The following ATP8A1 variants were observed in gnomAD, a reference collection of about 807,000 sequenced individuals.
The protein encoded by ATP8A1 is phospholipid-transporting ATPase IA.
In ATP8A1, 90 loss-of-function variants were observed where a neutral mutation model predicts 177.7. The observed-to-expected ratio is 0.51, with a 90% CI of 0.43 to 0.60. The LOEUF is 0.60. Ranked by LOEUF, ATP8A1 falls within the 20% of genes least tolerant of loss-of-function variation. The pLI is 0.00. For missense variants in ATP8A1, 1,072 were observed against 1,392.8 expected, an observed-to-expected ratio of 0.77 and a Z score of 3.67; for synonymous variants, 493 against 485.9, an observed-to-expected ratio of 1.01 and a Z score of -0.19.
intron 1 of ATP8A1, among the ~76,000 whole-genome samples, chr4:42,654,346 C>T (rs1334531181): frequency 6.6e-6 from 1 of 152,130 alleles, no homozygotes; most frequent in East Asian, 1.9e-4. Flanking sequence ...AAACAACTTA[C>T]AGGCATGACA....
intron 16 of ATP8A1, among the ~76,000 whole-genome samples, chr4:42,555,134 TATCTAATCTATC>T (rs1322296950): frequency 0.033 from 2,790 of 83,632 alleles, 77 homozygotes; most frequent in Non-Finnish European, 0.038. Flanking sequence ...TCTATCTATC[TATCTAATCTATC>T]TATCTATCTA....
At chr4:42,462,896 G>T (rs1295505606) in intron 27 of ATP8A1, among the ~76,000 whole-genome samples, 1 of 152,190 alleles carries the variant, frequency 6.6e-6, no homozygotes, top group African/African-American at 2.4e-5. Context: ...AGATCATTTT[G>T]GAGCTTTAAG....
At chr4:42,477,555 G>A (rs951286646) in intron 25 of ATP8A1, among the ~76,000 whole-genome samples, 2 of 152,156 alleles carry the variant, frequency 1.3e-5, no homozygotes, top group African/African-American at 2.4e-5. Flanking sequence ...GGCATACAGA[G>A]GATATAGATT....
At chr4:42,533,480 C>T (rs1402401885) in intron 20 of ATP8A1, among the ~76,000 whole-genome samples, 2 of 152,120 alleles carry the variant, frequency 1.3e-5, no homozygotes, top group South Asian at 2.1e-4. Flanking sequence ...CCCCCATCCC[C>T]ACAGCAGCCT....
At chr4:42,585,697 T>C (rs991494143) in intron 9 of ATP8A1, among the ~76,000 whole-genome samples, 1 of 151,938 alleles carries the variant, frequency 6.6e-6, no homozygotes, top group Non-Finnish European at 1.5e-5. Context: ...GCCAGGAATA[T>C]TTATCTGCTT....
chr4:42,509,526 C>G (rs1403745237), intron 22 of ATP8A1, among the ~76,000 whole-genome samples: 1 of 152,212 alleles, frequency 6.6e-6, no homozygotes, highest in Admixed American at 6.5e-5. Context: ...ACTGCCTTGC[C>G]TGGTGAAACT....
chr4:42,551,325 A>C (rs762255176), intron 17 of ATP8A1, 45 bp from the exon 18 acceptor site: 1 of 1,373,666 alleles, frequency 7.3e-7, no homozygotes, highest in Non-Finnish European at 1.0e-6. Context: ...ATTGAAAAAA[A>C]AATATTCTCA....
chr4:42,501,247 C>A (rs1393622941), intron 24 of ATP8A1, among the ~76,000 whole-genome samples: 2 of 152,228 alleles, frequency 1.3e-5, no homozygotes, highest in Non-Finnish European at 2.9e-5. Context: ...AAACAACTTA[C>A]AAGCTACTGA....
intron 35 of ATP8A1, among the ~76,000 whole-genome samples, chr4:42,415,887 G>C (rs1451989731): frequency 6.6e-6 from 1 of 152,086 alleles, no homozygotes; most frequent in South Asian, 2.1e-4. Flanking sequence ...AAAAACCGAA[G>C]AAAAAATATT....
chr4:42,560,795 A>T (rs140648607), intron 15 of ATP8A1, among the ~76,000 whole-genome samples: 6 of 152,248 alleles, frequency 3.9e-5, no homozygotes, highest in African/African-American at 1.4e-4. Flanking sequence ...AGAAAAGTCT[A>T]TGATTTTCAA....
chr4:42,454,439 A>AGTATCATG (rs1718258689), intron 29 of ATP8A1, among the ~76,000 whole-genome samples: 1 of 152,242 alleles, frequency 6.6e-6, no homozygotes, highest in Non-Finnish European at 1.5e-5. Flanking sequence ...ATAAACATGC[A>AGTATCATG]CTATATTAAA....
At chr4:42,468,662 T>C (rs557742938) in intron 25 of ATP8A1, among the ~76,000 whole-genome samples, 8 of 152,112 alleles carry the variant, frequency 5.3e-5, no homozygotes, top group African/African-American at 1.9e-4. Flanking sequence ...CAATGGACTT[T>C]GGGGACTCAG....
intron 1 of ATP8A1, among the ~76,000 whole-genome samples, chr4:42,634,770 CAGAA>C (rs1431571661): frequency 6.6e-6 from 1 of 152,074 alleles, no homozygotes; most frequent in African/African-American, 2.4e-5. Flanking sequence ...ATTATGAAAT[CAGAA>C]AGGCATACTA....
At chr4:42,438,133 GA>G (rs1716206283) in intron 33 of ATP8A1, among the ~76,000 whole-genome samples, 1 of 152,170 alleles carries the variant, frequency 6.6e-6, no homozygotes, top group African/African-American at 2.4e-5. Context: ...AGAAGAAATG[GA>G]AAAGGAACAG....
At chr4:42,645,717 C>T (rs1057007400) in intron 1 of ATP8A1, among the ~76,000 whole-genome samples, 2 of 152,206 alleles carry the variant, frequency 1.3e-5, no homozygotes, top group African/African-American at 2.4e-5. Flanking sequence ...ATAGCAGAGA[C>T]ATTCCTCCCC....
At chr4:42,527,016 C>T (rs575546916) in intron 20 of ATP8A1, among the ~76,000 whole-genome samples, 228 of 152,260 alleles carry the variant, frequency 1.5e-3, no homozygotes, top group African/African-American at 5.2e-3. Flanking sequence ...ATACATAATA[C>T]CTTTGGCCAT....
intron 5 of ATP8A1, among the ~76,000 whole-genome samples, chr4:42,613,096 C>T (rs937308429): frequency 2.6e-5 from 4 of 152,174 alleles, no homozygotes; most frequent in African/African-American, 9.7e-5. Context: ...AATTGAATTT[C>T]ATTCTGGCCT....
At chr4:42,433,433 T>C (rs988340330) in intron 33 of ATP8A1, among the ~76,000 whole-genome samples, 1 of 152,162 alleles carries the variant, frequency 6.6e-6, no homozygotes, top group African/African-American at 2.4e-5. Context: ...TCCTGAGACA[T>C]AGGCACTCCA....
At chr4:42,649,260 C>G (rs1220187638) in intron 1 of ATP8A1, among the ~76,000 whole-genome samples, 1 of 152,116 alleles carries the variant, frequency 6.6e-6, no homozygotes, top group African/African-American at 2.4e-5. Flanking sequence ...TACCAAGTGT[C>G]AAGCACTATT....
Sources: gnomAD v4.1 joint callset for allele counts (sites outside exome capture counted in the v4.1 genomes callset) on GRCh38, gnomAD v4.1.1 for gene constraint, MANE v1.5 for transcripts, NCBI Gene and HGNC (gene_info 2026-07-23, HGNC 2026-07-21) for gene names.